CDK9: variants seen among roughly 807,000 people sequenced by gnomAD.
CDK9 encodes cyclin dependent kinase 9, also known as cyclin-dependent kinase 9.
CDK9 carries 34 observed loss-of-function variants against 39.0 expected under a neutral mutation model. The observed-to-expected ratio is 0.87, with a 90% CI of 0.66 to 1.16. The LOEUF is 1.16. Ranked by LOEUF, CDK9 falls within the 50% of genes most tolerant of loss-of-function variation. The probability of loss-of-function intolerance (pLI) is 0.00; values close to 1 mark genes in which losing one functional copy is unlikely to be tolerated. For synonymous variants in CDK9, 233 were observed against 196.2 expected (o/e 1.19, Z -1.57); for missense variants, 369 against 503.2 (o/e 0.73, Z 2.55).
chr9:127,786,293 G>C, intron 1 of CDK9, 53 bp downstream of exon 1: 1 of 1,425,590 alleles, frequency 7.0e-7, no homozygotes, highest in Non-Finnish European at 9.7e-7. Flanking sequence ...CCCTAGGGCC[G>C]ACGTCGGGAT....
rs772642497 is a variant in CDK9 at position 127,788,260 on chromosome 9, A to G, written c.479A>G (p.Asp160Gly). 6.2e-7 allele frequency: 1 copy of G among 1,613,684 alleles called. No individual in the cohort carries two copies. Among genetic ancestry groups the G allele is most frequent in the Non-Finnish European group, 8.5e-7 (1 of 1,180,030 alleles). ...GCTGCTAATGTGCTTATCACTCGTG[A>G]TGGGGTCCTGAAGCTGGCAGACTTT... Reference protein sequence around the residue: ...MKAANVLITRDGVLKLADFGL... With the variant: ...MKAANVLITRGGVLKLADFGL... The change falls in exon 5 of 7, where the codon GAT becomes GGT. Residue 160 changes from aspartate (D) to glycine (G), a missense_variant. By Grantham distance (94) the Asp-to-Gly change is moderately conservative. Coordinates refer to ENST00000373264, the MANE Select transcript of CDK9 (RefSeq NM_001261.4).
At position 127,788,670 on chromosome 9, in the gene CDK9, T is replaced by C; in HGVS notation, c.731T>C (p.Leu244Pro). The C allele has an allele frequency of 6.2e-7, 1 of 1,608,606 alleles. No individual in the cohort carries two copies. The highest frequency in any genetic ancestry group is 8.5e-7 in the Non-Finnish European group (1 of 1,177,378). ...CACCAACTCGCCCTCATCAGTCAGC[T>C]CTGCGGCTCCATCACCCCTGAGGTA... ...EQHQLALISQ[L>P]CGSITPEVWP... Residue 244 changes from leucine to proline, a missense_variant, in exon 6 of 7, where the codon CTC (leucine) becomes CCC (proline). Leu to Pro is a moderately conservative substitution (Grantham distance 98). Coordinates refer to ENST00000373264, the MANE Select transcript of CDK9 (RefSeq NM_001261.4).
At chr9:127,788,733 C>A in intron 6 of CDK9, 41 bp downstream of exon 6, 3 of 1,529,940 alleles carry the variant, frequency 2.0e-6, no homozygotes, top group Admixed American at 4.2e-5. Flanking sequence ...AGATCGAGGT[C>A]CCCCGGCAGA....
rs1829367300 is a variant in CDK9 at position 127,788,287 on chromosome 9, G to A, written c.506G>A (p.Gly169Glu). 4 of 1,613,514 alleles carry A rather than the reference G, an allele frequency of 2.5e-6. No homozygotes were observed. The highest frequency in any genetic ancestry group is 3.4e-6 in the Non-Finnish European group (4 of 1,179,998). The change falls in exon 5 of 7, where the codon GGG (glycine) becomes GAG (glutamate). Residue 169 changes from glycine to glutamate, a missense_variant. By Grantham distance (98) the Gly-to-Glu change is moderately conservative (BLOSUM62 -2). Transcript: ENST00000373264. ...RDGVLKLADF[G>E]LARAFSLAKN... is the part of the protein sequence containing the mutation. Reference sequence around the variant, plus strand: ...GGGGTCCTGAAGCTGGCAGACTTTGGGCTGGCCCGGGCCTTCAGCCTGGCC... The same window carrying A: ...GGGGTCCTGAAGCTGGCAGACTTTGAGCTGGCCCGGGCCTTCAGCCTGGCC...
chr9:127,787,863 G>A (rs1005666803), intron 3 of CDK9, 84 bp from the exon 4 acceptor site: 3 of 1,449,374 alleles, frequency 2.1e-6, no homozygotes, highest in African/African-American at 2.8e-5. Context: ...CCCGTGGGTT[G>A]GAGCAGGAAG....
In CDK9 at chr9:127,789,575, T is replaced by C; in HGVS notation, c.*32T>C. Reference sequence around the variant, plus strand: ...GCGCTTGCCACTAGGGCTCTTGTGTTTTTTTTCTTCTGCTATGTGACTTGC... The same window carrying C: ...GCGCTTGCCACTAGGGCTCTTGTGTCTTTTTTCTTCTGCTATGTGACTTGC... On this transcript the variant is annotated 3_prime_UTR_variant, in exon 7 of 7. Transcript: ENST00000373264. This position sits in a 1 kb window ranked among gnomAD's most constrained non-coding sequence, Gnocchi z 5.2. 6.3e-7 allele frequency: 1 copy of C among 1,598,524 alleles called. No homozygotes were observed. Among genetic ancestry groups the C allele is most frequent in the Non-Finnish European group, 8.5e-7 (1 of 1,171,634 alleles).
intron 2 of CDK9, among the ~76,000 whole-genome samples, chr9:127,787,276 A>ATGGGC (rs3217736): frequency 0.043 from 6,531 of 152,276 alleles, 457 homozygotes; most frequent in African/African-American, 0.15. Flanking sequence ...AAATTTGAAG[A>ATGGGC]CTGAAACCGC....
chr9:127,786,621 C>T (rs538521254), intron 1 of CDK9, 80 bp from the exon 2 acceptor site: 4 of 1,259,076 alleles, frequency 3.2e-6, no homozygotes. Context: ...TTTGCTGCTG[C>T]CCCTCCTCCT....
Position 127,787,516 on chromosome 9 carries a change from A to C in CDK9, c.175-2A>C. On this transcript the variant is annotated splice_acceptor_variant, in intron 2 of 6. Coordinates refer to ENST00000373264, the MANE Select transcript of CDK9 (RefSeq NM_001261.4). LOFTEE classifies it high-confidence loss of function. ...GACCACTTTCCCCTCTTTCTCACCCAGTTCCCCATTACAGCCTTGCGGGAG... is the reference window on the plus strand; with the variant it reads ...GACCACTTTCCCCTCTTTCTCACCCCGTTCCCCATTACAGCCTTGCGGGAG... The C allele has an allele frequency of 6.2e-7, 1 of 1,609,136 alleles. No homozygotes were observed. Among genetic ancestry groups the C allele is most frequent in the Non-Finnish European group, 8.5e-7 (1 of 1,175,582 alleles).
At position 127,786,082 on chromosome 9, in the gene CDK9, GGCGGGACCCGGAGCAGGAGCGGCGGCA is replaced by G. The variant is rs1829304168; in HGVS notation, c.-64_-38del. ...GCGGAGGGGCCTGGAGTGCGGCGGC[GGCGGGACCCGGAGCAGGAGCGGCGGCA>G]GCAGCGACTGGGGGCGGCGGCGGCG... is the stretch of plus-strand genomic sequence containing the variant. On this transcript the variant is annotated 5_prime_UTR_variant, in exon 1 of 7. Transcript: ENST00000373264. 6 of 1,256,030 alleles carry G rather than the reference GGCGGGACCCGGAGCAGGAGCGGCGGCA, an allele frequency of 4.8e-6. No homozygotes were observed. The highest frequency in any genetic ancestry group is 2.9e-5 in the East Asian group (1 of 34,788). The allele number at this position is 1,256,030 out of a possible 1,614,324, so 77.8% of individuals were successfully genotyped here.
In CDK9 at chr9:127,790,329, C is replaced by CCTGCTGTGAG. The variant is rs1162702012; in HGVS notation, c.*795_*804dup. 1 of 152,264 alleles carries CCTGCTGTGAG rather than the reference C, an allele frequency of 6.6e-6. No homozygotes were observed. Among genetic ancestry groups the CCTGCTGTGAG allele is most frequent in the East Asian group, 1.9e-4 (1 of 5,200 alleles). 9.4% of individuals were successfully genotyped at this position (152,264 alleles called of 1,614,324 possible). ...TCCCTGGTGAGGGAATTGGTGAGGG[C>CCTGCTGTGAG]CTGCTGTGAGCTGCTGTGGCTGCGA... On this transcript the variant is annotated 3_prime_UTR_variant, in exon 7 of 7. Transcript: ENST00000373264.
At position 127,789,426 on chromosome 9, in the gene CDK9, C is replaced by T. The variant is rs142704308; in HGVS notation, c.1002C>T (p.Ser334=). The change falls in exon 7 of 7, where the codon TCC becomes TCT. Residue 334 remains serine (S), a synonymous_variant. Coordinates refer to ENST00000373264, the MANE Select transcript of CDK9 (RefSeq NM_001261.4). The surrounding 1 kb of genome is among the most constrained non-coding windows in gnomAD (Gnocchi z 5.2). ...GCATGCTCTCCACCCACCTGACGTC[C>T]ATGTTCGAGTACTTGGCACCACCGC... ...LKGMLSTHLT[S]MFEYLAPPRR... 5.6e-6 allele frequency: 9 copies of T among 1,613,930 alleles called. No individual in the cohort carries two copies. The African/African-American group carries it at 9.3e-5, about 17-fold the overall frequency.
chr9:127,786,630 C>A (rs1829326105), intron 1 of CDK9, 71 bp from the exon 2 acceptor site: 1 of 1,364,642 alleles, frequency 7.3e-7, no homozygotes, highest in Non-Finnish European at 1.0e-6. Flanking sequence ...GCCCCTCCTC[C>A]TGTAGTGGGG....
chr9:127,787,645 T>A (rs750748568), intron 3 of CDK9, 37 bp downstream of exon 3: 2 of 1,455,254 alleles, frequency 1.4e-6, no homozygotes, highest in Non-Finnish European at 1.9e-6. Context: ...ATGACACTTG[T>A]AGCCTAAGGT....
chr9:127,789,469 A>G lies in CDK9; in HGVS notation c.1045A>G (p.Ile349Val), dbSNP rs756913144. The G allele has an allele frequency of 1.9e-6, 3 of 1,613,994 alleles. No homozygotes were observed. The highest frequency in any genetic ancestry group is 1.3e-5 in the African/African-American group (1 of 74,920). ...LAPPRRKGSQ[I>V]TQQSTNQSRN... ...ACCACCGCGCCGGAAGGGCAGCCAG[A>G]TCACCCAGCAGTCCACCAACCAGAG... The change falls in exon 7 of 7, where the codon ATC (isoleucine) becomes GTC (valine). Residue 349 changes from isoleucine to valine, a missense_variant. Coordinates refer to ENST00000373264, the MANE Select transcript of CDK9 (RefSeq NM_001261.4). The surrounding 1 kb of genome is among the most constrained non-coding windows in gnomAD (Gnocchi z 5.2).
In CDK9 at chr9:127,786,739, A is replaced by G; in HGVS notation, c.131A>G (p.Lys44Arg). The G allele has an allele frequency of 6.2e-7, 1 of 1,614,094 alleles. No homozygotes were observed. Among genetic ancestry groups the G allele is most frequent in the Non-Finnish European group, 8.5e-7 (1 of 1,179,982 alleles). Residue 44 changes from lysine (K) to arginine (R), a missense_variant, in exon 2 of 7, where the codon AAG (lysine) becomes AGG (arginine). Coordinates refer to ENST00000373264, the MANE Select transcript of CDK9 (RefSeq NM_001261.4). ...GCCAGGCACCGCAAGACCGGCCAGA[A>G]GGTGGCTCTGAAGAAGGTGCTGATG... ...FKARHRKTGQKVALKKVLMEN... is the reference protein window; with the variant it reads ...FKARHRKTGQRVALKKVLMEN...
intron 5 of CDK9, 60 bp downstream of exon 5, chr9:127,788,445 C>G (rs1829370016): frequency 6.4e-7 from 1 of 1,558,236 alleles, no homozygotes; most frequent in South Asian, 1.2e-5. Context: ...GGCCCCTTCC[C>G]CCCAACTGCC....
Position 127,789,742 on chromosome 9 carries a change from C to T in CDK9, c.*199C>T, listed in dbSNP as rs1276957482. On this transcript the variant is annotated 3_prime_UTR_variant, in exon 7 of 7. Coordinates refer to ENST00000373264, the MANE Select transcript of CDK9 (RefSeq NM_001261.4). This position sits in a 1 kb window ranked among gnomAD's most constrained non-coding sequence, Gnocchi z 5.2. Reference sequence around the variant, plus strand: ...CAGGAGGGCACTGGAGCTGTCTTGTCCTTGCTGGTTTTCTGGATGGTTCCC... The same window carrying T: ...CAGGAGGGCACTGGAGCTGTCTTGTTCTTGCTGGTTTTCTGGATGGTTCCC... 2 of 696,240 alleles carry T rather than the reference C, an allele frequency of 2.9e-6. No homozygotes were observed. Among genetic ancestry groups the T allele is most frequent in the African/African-American group, 1.8e-5 (1 of 55,458 alleles). The allele number at this position is 696,240 out of a possible 1,614,324, so 43.1% of individuals were successfully genotyped here. A position where few individuals can be genotyped will look rare whatever the true frequency, so the allele number is the denominator to read the frequency against.
In CDK9 at chr9:127,787,996, C is replaced by A; in HGVS notation, c.315C>A (p.Phe105Leu). 1 of 1,614,234 alleles carries A rather than the reference C, an allele frequency of 6.2e-7. No homozygotes were observed. Among genetic ancestry groups the A allele is most frequent in the Non-Finnish European group, 8.5e-7 (1 of 1,180,040 alleles). ...GTAGTATATACCTGGTGTTCGACTT[C>A]TGCGAGCATGACCTTGCTGGGCTGT... is the stretch of plus-strand genomic sequence containing the variant. ...CKGSIYLVFD[F>L]CEHDLAGLLS... The change falls in exon 4 of 7, where the codon TTC becomes TTA. Residue 105 changes from phenylalanine (F) to leucine (L), a missense_variant. Coordinates refer to ENST00000373264, the MANE Select transcript of CDK9 (RefSeq NM_001261.4).
Sources: gnomAD v4.1 joint callset for allele counts (sites outside exome capture counted in the v4.1 genomes callset) on GRCh38, gnomAD v4.1.1 for gene constraint, Gnocchi (gnomAD v3.1) non-coding constraint, MANE v1.5 for transcripts, NCBI Gene and HGNC (gene_info 2026-07-23, HGNC 2026-07-21) for gene names.